Variants in PPP1R13B observed in about 807,000 individuals in gnomAD.
The protein encoded by PPP1R13B is apoptosis-stimulating of p53 protein 1.
In PPP1R13B, 44 loss-of-function variants were observed where a neutral mutation model predicts 119.8. The ratio of observed to expected loss-of-function variants is 0.37; its 90% CI spans 0.29 to 0.47. The LOEUF is 0.47. PPP1R13B is among the 20% of genes least tolerant of loss of function. The probability of loss-of-function intolerance (pLI) is 0.99; values close to 1 mark genes in which losing one functional copy is unlikely to be tolerated. For synonymous variants in PPP1R13B, 542 were observed against 561.5 expected (o/e 0.97, Z 0.49); for missense variants, 1,227 against 1,413.5 (o/e 0.87, Z 2.12).
At chr14:103,823,824 A>G (rs545529808) in intron 1 of PPP1R13B, among the ~76,000 whole-genome samples, 1 of 150,192 alleles carries the variant, frequency 6.7e-6, no homozygotes, top group East Asian at 1.9e-4. Context: ...ATTAATATAC[A>G]TACACTTTAA....
At chr14:103,844,244 G>T (rs2086975097) in intron 1 of PPP1R13B, among the ~76,000 whole-genome samples, 1 of 151,828 alleles carries the variant, frequency 6.6e-6, no homozygotes, top group Non-Finnish European at 1.5e-5. Flanking sequence ...TCCAGCCTTG[G>T]CAACAGGAGT....
chr14:103,743,022 G>A (rs941014980), intron 9 of PPP1R13B, 199 bp from the exon 10 acceptor site: 19 of 595,138 alleles, frequency 3.2e-5, no homozygotes, highest in Middle Eastern at 4.4e-4. Context: ...CAAGACCAAG[G>A]GACGGGCTCT....
At chr14:103,821,941 T>C (rs543493105) in intron 1 of PPP1R13B, among the ~76,000 whole-genome samples, 1 of 152,184 alleles carries the variant, frequency 6.6e-6, no homozygotes, top group South Asian at 2.1e-4. Flanking sequence ...AATTGAGCTA[T>C]CATAAAATTA....
chr14:103,735,174 G>A lies in PPP1R13B; in HGVS notation c.3253C>T (p.Arg1085Ter), dbSNP rs750231417. ...GAAGTTCAGGCGAGTGTTCGCTGTCGGGGTTTGATCCGTGGATACAGCTGG... is the reference window on the plus strand; with the variant it reads ...GAAGTTCAGGCGAGTGTTCGCTGTCAGGGTTTGATCCGTGGATACAGCTGG... ...LLGLYPRIKPRQRTLA is the reference protein window; with the variant it reads ...LLGLYPRIKP The change falls in exon 17 of 17, where the codon CGA becomes TGA. Residue 1085 changes from arginine to a stop codon, truncating the protein, a stop_gained. Coordinates refer to ENST00000202556, the MANE Select transcript of PPP1R13B (RefSeq NM_015316.3). LOFTEE classifies it high-confidence loss of function. 12 of 1,614,020 alleles carry A rather than the reference G, an allele frequency of 7.4e-6. No homozygotes were observed. Among genetic ancestry groups the A allele is most frequent in the East Asian group, 2.2e-5 (1 of 44,894 alleles).
intron 1 of PPP1R13B, among the ~76,000 whole-genome samples, chr14:103,832,151 C>A (rs553640623): frequency 8.6e-5 from 13 of 152,012 alleles, no homozygotes; most frequent in Middle Eastern, 3.4e-3. Flanking sequence ...CACAGCTCAT[C>A]TAAAATGTAT....
At chr14:103,773,807 C>T (rs1567112559) in intron 4 of PPP1R13B, among the ~76,000 whole-genome samples, 1 of 152,164 alleles carries the variant, frequency 6.6e-6, no homozygotes, top group East Asian at 1.9e-4. Context: ...CTATCTACTC[C>T]CCAACTCCAT....
intron 7 of PPP1R13B, among the ~76,000 whole-genome samples, chr14:103,752,205 T>A (rs1004799209): frequency 2.0e-5 from 3 of 152,230 alleles, no homozygotes; most frequent in African/African-American, 7.2e-5. Flanking sequence ...TTCCTTTGCA[T>A]GCCACGCTGG....
intron 1 of PPP1R13B, among the ~76,000 whole-genome samples, chr14:103,807,456 C>A (rs772965237): frequency 6.6e-6 from 1 of 152,146 alleles, no homozygotes; most frequent in African/African-American, 2.4e-5. Context: ...CAGTGCCTGG[C>A]ACGTAAGAAG....
intron 1 of PPP1R13B, among the ~76,000 whole-genome samples, chr14:103,817,655 C>T (rs1169374784): frequency 6.6e-6 from 1 of 151,786 alleles, no homozygotes; most frequent in Non-Finnish European, 1.5e-5. Flanking sequence ...GGACTTTTAC[C>T]ATTTATTAAT....
chr14:103,756,631 C>T (rs753434024), intron 5 of PPP1R13B, among the ~76,000 whole-genome samples: 16 of 152,186 alleles, frequency 1.1e-4, no homozygotes, highest in South Asian at 2.1e-4. Context: ...TCATTGTCTT[C>T]GTGGCCCTGA....
intron 1 of PPP1R13B, among the ~76,000 whole-genome samples, chr14:103,829,996 C>G (rs573980149): frequency 1.3e-5 from 2 of 152,176 alleles, no homozygotes; most frequent in Non-Finnish European, 2.9e-5. Context: ...CCAGGATGGT[C>G]TCCATCTCCT....
Position 103,762,786 on chromosome 14 carries a change from G to A in PPP1R13B, c.355-5035C>T, listed in dbSNP as rs149991394. 440 of 752,220 alleles carry A rather than the reference G, an allele frequency of 5.8e-4. 1 individual carries two copies. In the African/African-American group the frequency reaches 6.6e-3, roughly 11 times the overall value. The allele number at this position is 752,220 out of a possible 1,614,324, so 46.6% of individuals were successfully genotyped here. A position where few individuals can be genotyped will look rare whatever the true frequency, so the allele number is the denominator to read the frequency against. On this transcript the variant is annotated intron_variant, in intron 4 of 16. Transcript: ENST00000202556. ...TGCTGTGGGGGCAGGTGGTGGCGGCGGCCGCCCGCTCCAGCCATGCTGAAT... is the reference window on the plus strand; with the variant it reads ...TGCTGTGGGGGCAGGTGGTGGCGGCAGCCGCCCGCTCCAGCCATGCTGAAT...
intron 1 of PPP1R13B, among the ~76,000 whole-genome samples, chr14:103,800,811 T>C (rs1683049136): frequency 1.3e-5 from 2 of 151,898 alleles, no homozygotes; most frequent in Non-Finnish European, 2.9e-5. Context: ...GCCACTAATC[T>C]CCCCCGACTC....
At chr14:103,737,515 G>A in intron 15 of PPP1R13B, 179 bp downstream of exon 15, 4 of 751,074 alleles carry the variant, frequency 5.3e-6, no homozygotes, top group East Asian at 3.0e-5. Flanking sequence ...GGTCGAGGCT[G>A]CAGTGAGCCA....
intron 1 of PPP1R13B, among the ~76,000 whole-genome samples, chr14:103,835,322 G>A (rs900053042): frequency 2.6e-5 from 4 of 151,658 alleles, no homozygotes; most frequent in Non-Finnish European, 5.9e-5. Context: ...ATGGAGTTTT[G>A]CCATGATGGC....
At chr14:103,779,063 A>G (rs118142392) in intron 3 of PPP1R13B, among the ~76,000 whole-genome samples, 2,443 of 151,972 alleles carry the variant, frequency 0.016, 59 homozygotes, top group East Asian at 0.11. Context: ...CAAAGCAGGA[A>G]GATAGCTTGA....
intron 1 of PPP1R13B, among the ~76,000 whole-genome samples, chr14:103,816,550 G>A (rs1022157542): frequency 2.6e-5 from 4 of 151,456 alleles, no homozygotes; most frequent in Non-Finnish European, 4.4e-5. Context: ...AGCCGGGGGT[G>A]GTGGCACATG....
chr14:103,797,344 A>G, intron 2 of PPP1R13B, 27 bp downstream of exon 2: 1 of 1,564,666 alleles, frequency 6.4e-7, no homozygotes, highest in Non-Finnish European at 8.7e-7. Context: ...TATCAATGTA[A>G]CAATCTTTAC....
rs968675249 is a variant in PPP1R13B at position 103,742,511 on chromosome 14, C to T, written c.1320+143G>A. 1 of 1,305,736 alleles carries T rather than the reference C, an allele frequency of 7.7e-7. No individual in the cohort carries two copies. Among genetic ancestry groups the T allele is most frequent in the Non-Finnish European group, 1.0e-6 (1 of 961,520 alleles). The allele number at this position is 1,305,736 out of a possible 1,614,324, so 80.9% of individuals were successfully genotyped here. A position where few individuals can be genotyped will look rare whatever the true frequency, so the allele number is the denominator to read the frequency against. ...TGCTCAGGCTCTTAGGGCCCAGTAA[C>T]CCTCTAGGACTTTGGGTGTTGTCTG... On this transcript the variant is annotated intron_variant, in intron 10 of 16. Transcript: ENST00000202556. This position sits in a 1 kb window ranked among gnomAD's most constrained non-coding sequence, Gnocchi z 4.9.
Sources: allele counts gnomAD v4.1 joint callset (sites outside exome capture counted in the v4.1 genomes callset), GRCh38; gene constraint gnomAD v4.1.1; non-coding constraint Gnocchi (gnomAD v3.1); transcripts MANE v1.5; gene names NCBI Gene and HGNC (gene_info 2026-07-23, HGNC 2026-07-21).